Variants in NUP214 observed in about 807,000 individuals in gnomAD.
NUP214 encodes nuclear pore complex protein Nup214.
A neutral mutation model predicts 196.2 loss-of-function variants in NUP214; 79 were observed. The ratio of observed to expected loss-of-function variants is 0.40; its 90% CI spans 0.34 to 0.49. The LOEUF is 0.49. Among genes scored for constraint, NUP214 ranks in the 20% least tolerant of loss-of-function variants. The pLI is 0.58. For synonymous variants in NUP214, 1,020 were observed against 990.5 expected (o/e 1.03, Z -0.56); for missense variants, 2,468 against 2,539.0 (o/e 0.97, Z 0.60).
intron 30 of NUP214, among the ~76,000 whole-genome samples, chr9:131,212,452 A>C (rs745538275): frequency 6.6e-6 from 1 of 152,128 alleles, no homozygotes; most frequent in Non-Finnish European, 1.5e-5. Flanking sequence ...AGGGGGCATC[A>C]CGGAACCTGC....
In NUP214 at chr9:131,197,855, C is replaced by T; in HGVS notation, c.4361C>T (p.Ala1454Val). 1 of 1,613,436 alleles carries T rather than the reference C, an allele frequency of 6.2e-7. No homozygotes were observed. The highest frequency in any genetic ancestry group is 1.1e-5 in the South Asian group (1 of 91,082). Residue 1454 changes from alanine (A) to valine (V), a missense_variant, in exon 29 of 36, where the codon GCC becomes GTC. Coordinates refer to ENST00000359428, the MANE Select transcript of NUP214 (RefSeq NM_005085.4). Reference protein sequence around the residue: ...QQTNSTVPPSAPPPTTAATPL... With the variant: ...QQTNSTVPPSVPPPTTAATPL... Reference sequence around the variant, plus strand: ...ACCAATAGCACAGTGCCCCCATCTGCCCCACCACCAACTACAGCTGCCACT... The same window carrying T: ...ACCAATAGCACAGTGCCCCCATCTGTCCCACCACCAACTACAGCTGCCACT...
intron 9 of NUP214, among the ~76,000 whole-genome samples, chr9:131,136,275 C>A (rs777753175): frequency 2.6e-5 from 4 of 152,150 alleles, no homozygotes; most frequent in Non-Finnish European, 5.9e-5. Context: ...CCTGATGGTA[C>A]TTTTCTGAAA....
intron 8 of NUP214, 57 bp from the exon 9 acceptor site, chr9:131,135,883 T>G (rs111788367): frequency 7.0e-7 from 1 of 1,432,482 alleles, no homozygotes; most frequent in East Asian, 2.3e-5. Context: ...CAGACCCAGG[T>G]TAGCTTAGAA....
chr9:131,219,771 C>T (rs1214162619), intron 31 of NUP214, among the ~76,000 whole-genome samples: 4 of 152,134 alleles, frequency 2.6e-5, no homozygotes, highest in African/African-American at 4.8e-5. Flanking sequence ...GATGAAGAAG[C>T]CGTTTGATGA....
rs1325020890 is a variant in NUP214, at chr9:131,185,814, A to T, written c.3420-1475A>T. ...GGTACTGTGAATCCTAATTTTGTGTATTTGGGGATTTAGGATACTCAGGAG... is the reference window on the plus strand; with the variant it reads ...GGTACTGTGAATCCTAATTTTGTGTTTTTGGGGATTTAGGATACTCAGGAG... On this transcript the variant is annotated intron_variant, in intron 24 of 35. Coordinates refer to ENST00000359428, the MANE Select transcript of NUP214 (RefSeq NM_005085.4). 3.3e-5 allele frequency among the ~76,000 whole-genome samples: 5 copies of T among 152,222 alleles called. No homozygotes were observed. The Middle Eastern group carries it at 0.01, about 311-fold the overall frequency.
intron 30 of NUP214, 88 bp from the exon 31 acceptor site, chr9:131,215,124 C>T (rs1834353339): frequency 8.1e-7 from 1 of 1,240,426 alleles, no homozygotes; most frequent in Admixed American, 2.9e-5. Context: ...TTTGTGCCAG[C>T]TGTGAGCACC....
intron 24 of NUP214, among the ~76,000 whole-genome samples, chr9:131,179,025 C>CA (rs1833194293): frequency 6.6e-6 from 1 of 151,968 alleles, no homozygotes; most frequent in African/African-American, 2.4e-5. Context: ...GACAAGGTCT[C>CA]ACTCTTGCCC....
At chr9:131,205,666 C>T (rs139706452) in intron 30 of NUP214, among the ~76,000 whole-genome samples, 1 of 152,258 alleles carries the variant, frequency 6.6e-6, no homozygotes, top group Non-Finnish European at 1.5e-5. Flanking sequence ...AAATGTACTG[C>T]TCCTATAGCT....
At chr9:131,148,817 A>G (rs1476282196) in intron 14 of NUP214, among the ~76,000 whole-genome samples, 1 of 152,092 alleles carries the variant, frequency 6.6e-6, no homozygotes, top group Admixed American at 6.5e-5. Flanking sequence ...CAGTGCAAAT[A>G]TGTTCTCACT....
chr9:131,217,232 A>G (rs1834428070), intron 31 of NUP214, among the ~76,000 whole-genome samples: 3 of 152,218 alleles, frequency 2.0e-5, no homozygotes, highest in Admixed American at 2.0e-4. Context: ...TGTCCACTCC[A>G]CTAATACATA....
Position 131,232,021 on chromosome 9 carries a change from G to A in NUP214, c.6215-263G>A, listed in dbSNP as rs191804230. Among the ~76,000 whole-genome samples the A allele has an allele frequency of 1.1e-3, 170 of 152,180 alleles. No homozygotes were observed. The highest frequency in any genetic ancestry group is 1.9e-3 in the Admixed American group (29 of 15,284). ...TCTGCCTACAGCTGGGGCCGAGGAG[G>A]GAGGAAGAACCCTAAAATACCAAGA... is the stretch of plus-strand genomic sequence containing the variant. On this transcript the variant is annotated intron_variant, in intron 34 of 35. Transcript: ENST00000359428. The surrounding 1 kb of genome is among the most constrained non-coding windows in gnomAD (Gnocchi z 5.1).
At chr9:131,148,855 G>A (rs1324062795) in intron 14 of NUP214, among the ~76,000 whole-genome samples, 3 of 151,824 alleles carry the variant, frequency 2.0e-5, no homozygotes, top group African/African-American at 7.3e-5. Context: ...TGTCTTTTTT[G>A]TTTCTTTGAT....
intron 5 of NUP214, 52 bp downstream of exon 5, chr9:131,130,888 G>C: frequency 2.7e-6 from 4 of 1,479,144 alleles, no homozygotes; most frequent in Non-Finnish European, 3.8e-6. Context: ...CCACTTTTTT[G>C]GGGGTGGTTT....
intron 21 of NUP214, among the ~76,000 whole-genome samples, chr9:131,168,252 G>C (rs1360897231): frequency 6.6e-6 from 1 of 152,138 alleles, no homozygotes; most frequent in Non-Finnish European, 1.5e-5. Context: ...TTTATAGTTA[G>C]TACTTTTTGT....
intron 21 of NUP214, 130 bp from the exon 22 acceptor site, chr9:131,173,925 A>G (rs1045582179): frequency 1.6e-6 from 2 of 1,220,932 alleles, no homozygotes; most frequent in African/African-American, 3.1e-5. Context: ...ACCTGCTCCC[A>G]CTTAAAATAA....
At chr9:131,134,158 C>T (rs1175684436) in intron 7 of NUP214, among the ~76,000 whole-genome samples, 1 of 152,138 alleles carries the variant, frequency 6.6e-6, no homozygotes, top group Non-Finnish European at 1.5e-5. Context: ...GTTGCCCACG[C>T]TGGTCTCGGA....
intron 30 of NUP214, among the ~76,000 whole-genome samples, chr9:131,202,784 G>A (rs1833973896): frequency 6.6e-6 from 1 of 151,672 alleles, no homozygotes; most frequent in Non-Finnish European, 1.5e-5. Context: ...GAAAAAAGAG[G>A]AAGAAGATTT....
chr9:131,192,981 C>T (rs114195260), intron 27 of NUP214, among the ~76,000 whole-genome samples: 5,100 of 143,188 alleles, frequency 0.036, 108 homozygotes, highest in African/African-American at 0.061. Flanking sequence ...CTTACTGCAT[C>T]GAGAGTACAG....
chr9:131,132,054 T>C (rs533591336), intron 5 of NUP214, among the ~76,000 whole-genome samples: 20 of 152,192 alleles, frequency 1.3e-4, no homozygotes, highest in African/African-American at 4.6e-4. Flanking sequence ...TGGTGTTGCA[T>C]TGACTACTCT....
Sources: gnomAD v4.1 joint callset for allele counts (sites outside exome capture counted in the v4.1 genomes callset) on GRCh38, gnomAD v4.1.1 for gene constraint, Gnocchi (gnomAD v3.1) non-coding constraint, MANE v1.5 for transcripts, NCBI Gene and HGNC (gene_info 2026-07-23, HGNC 2026-07-21) for gene names.